The following SPATA16 variants were observed in gnomAD, a reference collection of about 807,000 sequenced individuals.
The protein encoded by SPATA16 is spermatogenesis associated 16, also known as spermatogenesis-associated protein 16.
In SPATA16, 36 loss-of-function variants were observed where a neutral mutation model predicts 63.3. The observed-to-expected ratio is 0.57, with a 90% CI of 0.44 to 0.75. The LOEUF (loss-of-function observed/expected upper bound fraction) is 0.75. Among genes scored for constraint, SPATA16 ranks in the 30% least tolerant of loss-of-function variants. The pLI is 0.00. For missense variants in SPATA16, 646 were observed against 679.3 expected (o/e 0.95, Z 0.54); for synonymous variants, 203 against 216.7 (o/e 0.94, Z 0.56).
intron 2 of SPATA16, among the ~76,000 whole-genome samples, chr3:173,113,344 A>C (rs753764020): frequency 2.0e-5 from 3 of 152,232 alleles, no homozygotes; most frequent in Admixed American, 6.5e-5. Flanking sequence ...CAAACATAAG[A>C]GCATACGATG....
chr3:173,077,211 C>T (rs1329938951), intron 2 of SPATA16, among the ~76,000 whole-genome samples: 1 of 152,094 alleles, frequency 6.6e-6, no homozygotes, highest in Non-Finnish European at 1.5e-5. Context: ...TATCTTTCTA[C>T]ACTTTTTTTC....
chr3:173,071,591 G>A (rs899888033), intron 2 of SPATA16, among the ~76,000 whole-genome samples: 5 of 152,036 alleles, frequency 3.3e-5, no homozygotes, highest in Admixed American at 3.3e-4. Context: ...GAATATATAA[G>A]GAGATCAAAA....
chr3:172,916,567 C>A (rs1265803595), intron 8 of SPATA16, 86 bp from the exon 9 acceptor site: 4 of 1,319,466 alleles, frequency 3.0e-6, no homozygotes, highest in Non-Finnish European at 3.2e-6. Flanking sequence ...CTTGTGATAA[C>A]GTATTTACAT....
At chr3:173,075,778 G>A (rs796164150) in intron 2 of SPATA16, among the ~76,000 whole-genome samples, 29 of 152,210 alleles carry the variant, frequency 1.9e-4, no homozygotes, top group African/African-American at 6.7e-4. Context: ...GGTGTGGGTA[G>A]TGGGGATGGA....
intron 3 of SPATA16, among the ~76,000 whole-genome samples, chr3:173,044,981 T>G (rs1300498240): frequency 6.6e-6 from 1 of 152,114 alleles, no homozygotes; most frequent in Non-Finnish European, 1.5e-5. Context: ...GTGAAGTCTC[T>G]TTACCCTAAT....
intron 9 of SPATA16, 55 bp downstream of exon 9, chr3:172,916,262 C>A (rs1732483309): frequency 1.3e-6 from 2 of 1,521,430 alleles, no homozygotes; most frequent in Non-Finnish European, 1.8e-6. Flanking sequence ...CAGACCATAT[C>A]ACTTTTCTGT....
In SPATA16 at chr3:172,969,734, A is replaced by C. The variant is rs11921623; in HGVS notation, c.933+7234T>G. Among the ~76,000 whole-genome samples the C allele has an allele frequency of 5.0e-3, 753 of 151,984 alleles. 5 individuals carry two copies. The highest frequency in any genetic ancestry group is 0.018 in the African/African-American group (727 of 41,424). On this transcript the variant is annotated intron_variant, in intron 5 of 10. Transcript: ENST00000351008. Reference sequence around the variant, plus strand: ...CCCTCCTTGTTGCAACGTCATCTCCACCCCTTTGTCTTGGCTTTGTAGTGG... The same window carrying C: ...CCCTCCTTGTTGCAACGTCATCTCCCCCCCTTTGTCTTGGCTTTGTAGTGG...
At chr3:172,947,994 A>G (rs1226195140) in intron 6 of SPATA16, among the ~76,000 whole-genome samples, 1 of 152,118 alleles carries the variant, frequency 6.6e-6, no homozygotes, top group Non-Finnish European at 1.5e-5. Context: ...CTAGAAAACA[A>G]TCTCAAAAGT....
chr3:172,906,194 C>A (rs1188980852), intron 10 of SPATA16, among the ~76,000 whole-genome samples: 1 of 152,110 alleles, frequency 6.6e-6, no homozygotes, highest in African/African-American at 2.4e-5. Context: ...GTTCTTAAAA[C>A]TCCAAGGGAC....
chr3:173,091,039 C>T (rs1737208934), intron 2 of SPATA16, among the ~76,000 whole-genome samples: 1 of 148,846 alleles, frequency 6.7e-6, no homozygotes, highest in Non-Finnish European at 1.5e-5. Context: ...CATATTACAG[C>T]TTCTGGGAAA....
intron 4 of SPATA16, among the ~76,000 whole-genome samples, chr3:173,018,374 A>G (rs1389714589): frequency 1.3e-5 from 2 of 151,242 alleles, no homozygotes; most frequent in Non-Finnish European, 2.9e-5. Context: ...TCCTGGGTTC[A>G]AGCGATTCTC....
At chr3:173,110,327 G>GT (rs1215292618) in intron 2 of SPATA16, among the ~76,000 whole-genome samples, 2 of 152,180 alleles carry the variant, frequency 1.3e-5, no homozygotes. Context: ...ATAGTGTTTG[G>GT]TTTAGATCAC....
intron 3 of SPATA16, among the ~76,000 whole-genome samples, chr3:173,033,487 C>G (rs545223131): frequency 1.3e-5 from 2 of 152,126 alleles, no homozygotes; most frequent in Admixed American, 1.3e-4. Flanking sequence ...ATTATCTTTC[C>G]TTTGGAGTCT....
chr3:172,999,679 G>T (rs1235165877), intron 4 of SPATA16, among the ~76,000 whole-genome samples: 3 of 152,168 alleles, frequency 2.0e-5, no homozygotes, highest in South Asian at 2.1e-4. Flanking sequence ...CTCCCAAAGT[G>T]CTGGGATTAC....
chr3:172,891,701 A>G (rs1403124462), intron 10 of SPATA16, among the ~76,000 whole-genome samples: 1 of 152,102 alleles, frequency 6.6e-6, no homozygotes, highest in Non-Finnish European at 1.5e-5. Context: ...CATGTGGGAC[A>G]TCTCTCAATT....
At position 172,902,817 on chromosome 3, in the gene SPATA16, G is replaced by A. The variant is rs180857018; in HGVS notation, c.1587+10844C>T. On this transcript the variant is annotated intron_variant, in intron 10 of 10. Transcript: ENST00000351008. ...ATGGGTATATTTTGCTGTGGAATTTGTGTGTGTTTTAGATTCCAGTCTTGT... is the reference window on the plus strand; with the variant it reads ...ATGGGTATATTTTGCTGTGGAATTTATGTGTGTTTTAGATTCCAGTCTTGT... Among the ~76,000 whole-genome samples the A allele has an allele frequency of 3.3e-3, 501 of 152,278 alleles. 4 individuals are homozygous for A. The highest frequency in any genetic ancestry group is 0.011 in the African/African-American group (467 of 41,568).
intron 2 of SPATA16, among the ~76,000 whole-genome samples, chr3:173,076,227 A>T (rs1736798598): frequency 2.0e-5 from 3 of 152,122 alleles, no homozygotes; most frequent in African/African-American, 7.2e-5. Flanking sequence ...ATCTTTTAAA[A>T]TTTTCTTTTT....
intron 4 of SPATA16, among the ~76,000 whole-genome samples, chr3:173,001,275 T>TTTTTGTTTTTTG (rs1202934215): frequency 1.3e-5 from 2 of 151,664 alleles, no homozygotes; most frequent in Non-Finnish European, 2.9e-5. Context: ...GTTGTTTTTT[T>TTTTTGTTTTTTG]TTTTTTGTTT....
intron 3 of SPATA16, among the ~76,000 whole-genome samples, chr3:173,019,858 T>C (rs77840076): frequency 0.016 from 2,453 of 152,158 alleles, 67 homozygotes; most frequent in East Asian, 0.11. Context: ...CAACTTATGT[T>C]ACATATAAGA....
Sources: allele counts gnomAD v4.1 joint callset (sites outside exome capture counted in the v4.1 genomes callset), GRCh38; gene constraint gnomAD v4.1.1; transcripts MANE v1.5; gene names NCBI Gene and HGNC (gene_info 2026-07-23, HGNC 2026-07-21).